BCL2L1: variants seen among roughly 807,000 people sequenced by gnomAD.
The protein encoded by BCL2L1 is bcl-2-like protein 1.
In BCL2L1, 1 loss-of-function variant was observed where a neutral mutation model predicts 18.7. The observed-to-expected ratio is 0.05, with a 90% CI of 0.02 to 0.25. The LOEUF (loss-of-function observed/expected upper bound fraction) is 0.25, where lower values mean the gene tolerates loss of function less well. Ranked by LOEUF, BCL2L1 falls within the 10% of genes least tolerant of loss-of-function variation. The pLI is 1.00. For missense variants in BCL2L1, 207 were observed against 304.9 expected, an observed-to-expected ratio of 0.68 and a Z score of 2.39; for synonymous variants, 103 against 122.7, an observed-to-expected ratio of 0.84 and a Z score of 1.06.
At chr20:31,675,484 G>A (rs756951127) in intron 2 of BCL2L1, among the ~76,000 whole-genome samples, 63 of 152,324 alleles carry the variant, frequency 4.1e-4, no homozygotes, top group Non-Finnish European at 7.5e-4. Flanking sequence ...TTTTGGCAGG[G>A]AGTTGCAGGC....
intron 2 of BCL2L1, 138 bp from the exon 3 acceptor site, chr20:31,666,224 A>G: frequency 9.7e-7 from 1 of 1,035,654 alleles, no homozygotes. Context: ...GGGCCAGGTA[A>G]AGGGCTAAGG....
intron 2 of BCL2L1, among the ~76,000 whole-genome samples, chr20:31,684,752 AG>A (rs1201002716): frequency 6.6e-6 from 1 of 152,148 alleles, no homozygotes; most frequent in Non-Finnish European, 1.5e-5. Context: ...CCCATCTTTG[AG>A]GGGCTTAGTG....
At chr20:31,693,826 T>G (rs1311112722) in intron 2 of BCL2L1, among the ~76,000 whole-genome samples, 1 of 152,216 alleles carries the variant, frequency 6.6e-6, no homozygotes, top group Non-Finnish European at 1.5e-5. Context: ...TAAGCCATCA[T>G]GCAAGGCAAA....
At chr20:31,723,944 G>T (rs2061675671), upstream of BCL2L1, 1 of 985,358 alleles carries the variant, frequency 1.0e-6, no homozygotes, top group Admixed American at 6.1e-5. Flanking sequence ...TGCAAGCTCA[G>T]TCACTTCCGG....
intron 2 of BCL2L1, among the ~76,000 whole-genome samples, chr20:31,711,561 T>C (rs1244062508): frequency 1.3e-5 from 2 of 152,238 alleles, no homozygotes; most frequent in Non-Finnish European, 2.9e-5. Flanking sequence ...ACAGTATCAC[T>C]AGCATTTAGC....
intron 2 of BCL2L1, among the ~76,000 whole-genome samples, chr20:31,667,448 C>T (rs1330242756): frequency 7.1e-5 from 10 of 140,616 alleles, no homozygotes; most frequent in Non-Finnish European, 1.2e-4. Context: ...GTGACAGAGA[C>T]TCCGTTCAAA....
chr20:31,701,680 A>G (rs1257480792), intron 2 of BCL2L1, among the ~76,000 whole-genome samples: 1 of 152,256 alleles, frequency 6.6e-6, no homozygotes, highest in East Asian at 1.9e-4. Flanking sequence ...ACAACTCATT[A>G]TAACAATTAA....
chr20:31,692,677 G>A (rs929821898), intron 2 of BCL2L1, among the ~76,000 whole-genome samples: 3 of 152,148 alleles, frequency 2.0e-5, no homozygotes, highest in African/African-American at 4.8e-5. Context: ...TTGGGAGGCC[G>A]AGGCTGGTGG....
At chr20:31,714,266 G>C (rs2061493591) in intron 2 of BCL2L1, among the ~76,000 whole-genome samples, 1 of 152,198 alleles carries the variant, frequency 6.6e-6, no homozygotes, top group African/African-American at 2.4e-5. Flanking sequence ...AGGGAAACTG[G>C]GGACTGGGGG....
chr20:31,681,021 T>C lies in BCL2L1; in HGVS notation c.565-14935A>G, dbSNP rs35670898. Among the ~76,000 whole-genome samples, 1,247 of 152,314 alleles carry C rather than the reference T, an allele frequency of 8.2e-3. 13 individuals are homozygous for C. The highest frequency in any genetic ancestry group is 0.038 in the East Asian group (199 of 5,176). ...CAAAGGCCCAGAGGCAGGAACACGC[T>C]TGAGGTGCTCCAGGAACAGGAAAAA... is the stretch of plus-strand genomic sequence containing the variant. On this transcript the variant is annotated intron_variant, in intron 2 of 2. Coordinates refer to ENST00000307677, the MANE Select transcript of BCL2L1 (RefSeq NM_138578.3).
At chr20:31,692,259 C>G (rs1047257672) in intron 2 of BCL2L1, among the ~76,000 whole-genome samples, 13 of 152,250 alleles carry the variant, frequency 8.5e-5, no homozygotes, top group African/African-American at 3.1e-4. Context: ...GTGCAGGAGA[C>G]ACAAACAGTT....
intron 2 of BCL2L1, among the ~76,000 whole-genome samples, chr20:31,670,342 AGGAGAAGGCCCTGGTTAT>A (rs2060648632): frequency 6.6e-6 from 1 of 152,216 alleles, no homozygotes; most frequent in Non-Finnish European, 1.5e-5. Context: ...TGAAGAGCAT[AGGAGAAGGCCCTGGTTAT>A]CCCAAGAGGC....
At chr20:31,666,831 T>C (rs1228570326) in intron 2 of BCL2L1, among the ~76,000 whole-genome samples, 1 of 151,776 alleles carries the variant, frequency 6.6e-6, no homozygotes, top group Non-Finnish European at 1.5e-5. Flanking sequence ...GCCCAGGAGG[T>C]TGTGATCAAC....
chr20:31,722,940 C>T (rs962111683), upstream of BCL2L1: 1 of 152,310 alleles, frequency 6.6e-6, no homozygotes, highest in African/African-American at 2.4e-5. Context: ...CGCCCCTTGG[C>T]TCTCCGCCTC....
chr20:31,710,093 T>G (rs556071001), intron 2 of BCL2L1, among the ~76,000 whole-genome samples: 1 of 152,242 alleles, frequency 6.6e-6, no homozygotes, highest in East Asian at 1.9e-4. Context: ...AGACACCGTG[T>G]GAGGTGGTCT....
intron 2 of BCL2L1, among the ~76,000 whole-genome samples, chr20:31,670,384 A>G (rs914481496): frequency 6.6e-6 from 1 of 152,232 alleles, no homozygotes; most frequent in Non-Finnish European, 1.5e-5. Context: ...ATGTCTCTCA[A>G]GAAACCAGGG....
chr20:31,671,616 G>A (rs1159381216), intron 2 of BCL2L1, among the ~76,000 whole-genome samples: 2 of 152,036 alleles, frequency 1.3e-5, no homozygotes, highest in Non-Finnish European at 2.9e-5. Flanking sequence ...ATGCACTGAG[G>A]CTGGCATTGG....
upstream of BCL2L1, chr20:31,723,189 C>T (rs973003889): frequency 6.7e-6 from 5 of 742,658 alleles, no homozygotes; most frequent in East Asian, 1.3e-4. Flanking sequence ...TGTTGAAGGC[C>T]GGAGACCCCC....
rs189958581 is a variant in BCL2L1 at position 31,720,578 on chromosome 20, G to A, written c.564+1077C>T. On this transcript the variant is annotated intron_variant, in intron 2 of 2. Coordinates refer to ENST00000307677, the MANE Select transcript of BCL2L1 (RefSeq NM_138578.3). Reference sequence around the variant, plus strand: ...CTCATCCTGGCTCAGTGATGGGCAGGAGAACTCTCCCTCCCTGGAAAGGGA... The same window carrying A: ...CTCATCCTGGCTCAGTGATGGGCAGAAGAACTCTCCCTCCCTGGAAAGGGA... 1.1e-5 allele frequency: 11 copies of A among 985,180 alleles called. No individual in the cohort carries two copies. In the East Asian group the frequency reaches 1.2e-3, roughly 112 times the overall value. 61.0% of individuals were successfully genotyped at this position (985,180 alleles called of 1,614,324 possible).
Sources: gnomAD v4.1 joint callset for allele counts (sites outside exome capture counted in the v4.1 genomes callset) on GRCh38, gnomAD v4.1.1 for gene constraint, MANE v1.5 for transcripts, NCBI Gene and HGNC (gene_info 2026-07-23, HGNC 2026-07-21) for gene names.